The following NDUFA5 variants were observed in gnomAD, a reference collection of about 807,000 sequenced individuals.
NDUFA5 encodes NADH dehydrogenase [ubiquinone] 1 alpha subcomplex subunit 5.
NDUFA5 carries 11 observed loss-of-function variants against 19.8 expected under a neutral mutation model. That is an observed-to-expected ratio of 0.56 (90% confidence interval 0.35 to 0.92). NDUFA5 has a LOEUF of 0.92. NDUFA5 is among the 40% of genes least tolerant of loss of function. The pLI is 0.01. For missense variants in NDUFA5, 109 were observed against 134.2 expected (o/e 0.81, Z 0.93); for synonymous variants, 47 against 46.8 (o/e 1.00, Z -0.01).
the NDUFA5 span, among the ~76,000 whole-genome samples, chr7:123,567,561 G>T: frequency 6.6e-6 from 1 of 152,306 alleles, no homozygotes; most frequent in Admixed American, 6.5e-5. Context: ...TCCTACCAAA[G>T]TTAGGTGGTT....
At chr7:123,560,470 A>C (rs1798674584), upstream of NDUFA5, among the ~76,000 whole-genome samples, 1 of 152,206 alleles carries the variant, frequency 6.6e-6, no homozygotes, top group Non-Finnish European at 1.5e-5. Flanking sequence ...AAAACAAATA[A>C]CTTCAGCAAA....
chr7:123,596,688 C>T, the NDUFA5 span, among the ~76,000 whole-genome samples: 26 of 152,110 alleles, frequency 1.7e-4, no homozygotes, highest in South Asian at 5.4e-3. Context: ...GCTAAGTTTT[C>T]TTCGTTAAAT....
At chr7:123,550,612 C>T in intron 2 of NDUFA5, 26 bp from the exon 3 acceptor site, 1 of 1,397,154 alleles carries the variant, frequency 7.2e-7, no homozygotes, top group Non-Finnish European at 1.0e-6. Flanking sequence ...ATACAAATTT[C>T]CATAGGTTAA....
chr7:123,560,075 G>C (rs1014629878), upstream of NDUFA5, among the ~76,000 whole-genome samples: 3 of 152,010 alleles, frequency 2.0e-5, no homozygotes, highest in Non-Finnish European at 2.9e-5. Flanking sequence ...TTGAATACAG[G>C]ACAAAAACTA....
upstream of NDUFA5, among the ~76,000 whole-genome samples, chr7:123,559,190 A>C (rs1798652725): frequency 6.6e-6 from 1 of 152,072 alleles, no homozygotes; most frequent in African/African-American, 2.4e-5. Context: ...AACTATGCTT[A>C]AAAAAGATAA....
the NDUFA5 span, among the ~76,000 whole-genome samples, chr7:123,594,165 A>G: frequency 2.0e-5 from 3 of 151,934 alleles, no homozygotes; most frequent in Admixed American, 1.3e-4. Flanking sequence ...TGCTTATTCT[A>G]GTTTGCCATT....
the NDUFA5 span, among the ~76,000 whole-genome samples, chr7:123,578,748 C>T: frequency 6.6e-6 from 1 of 152,062 alleles, no homozygotes; most frequent in Non-Finnish European, 1.5e-5. Context: ...TGCTAAAGTC[C>T]ACCTTCCTCT....
intron 2 of NDUFA5, among the ~76,000 whole-genome samples, chr7:123,552,174 T>C (rs1402098587): frequency 1.0e-4 from 15 of 147,008 alleles, no homozygotes; most frequent in Admixed American, 3.4e-4. Context: ...ACCTTTTTTT[T>C]CAATTAAAAA....
the NDUFA5 span, among the ~76,000 whole-genome samples, chr7:123,597,917 C>CGTGTGTGTGTGTATGT: frequency 0.011 from 1,405 of 133,054 alleles, 16 homozygotes; most frequent in African/African-American, 0.023. Flanking sequence ...TTTCAAACTT[C>CGTGTGTGTGTGTATGT]GTGTGTGTGT....
intron 4 of NDUFA5, among the ~76,000 whole-genome samples, chr7:123,543,456 G>A (rs1335803552): frequency 6.6e-6 from 1 of 152,050 alleles, no homozygotes; most frequent in Admixed American, 6.6e-5. Context: ...GGCTACTGGG[G>A]ACTTGAAATG....
the NDUFA5 span, among the ~76,000 whole-genome samples, chr7:123,596,651 A>AG: frequency 6.6e-6 from 1 of 152,094 alleles, no homozygotes; most frequent in African/African-American, 2.4e-5. Flanking sequence ...ATAAAGAAAG[A>AG]GAAAAAGAAA....
the NDUFA5 span, among the ~76,000 whole-genome samples, chr7:123,577,773 T>C: frequency 4.6e-5 from 7 of 152,158 alleles, no homozygotes; most frequent in Non-Finnish European, 1.0e-4. Context: ...CTCATGTTTC[T>C]TCATCTTATC....
chr7:123,598,164 C>T, the NDUFA5 span, among the ~76,000 whole-genome samples: 2 of 151,984 alleles, frequency 1.3e-5, no homozygotes, highest in Non-Finnish European at 2.9e-5. Context: ...CAATGGTTTC[C>T]CTCATGTCCA....
chr7:123,589,493 C>T, the NDUFA5 span, among the ~76,000 whole-genome samples: 1 of 151,918 alleles, frequency 6.6e-6, no homozygotes, highest in African/African-American at 2.4e-5. Flanking sequence ...TCAACAGCCC[C>T]TGGTGTGTGA....
At chr7:123,567,469 T>A in the NDUFA5 span, among the ~76,000 whole-genome samples, 1 of 152,192 alleles carries the variant, frequency 6.6e-6, no homozygotes, top group Non-Finnish European at 1.5e-5. Context: ...AGAGCTCTTG[T>A]TTATCCAAAA....
At chr7:123,575,434 CAATCATACACAATTA>C in the NDUFA5 span, among the ~76,000 whole-genome samples, 2 of 151,986 alleles carry the variant, frequency 1.3e-5, no homozygotes, top group Non-Finnish European at 1.5e-5. Flanking sequence ...CCACATGAGG[CAATCATACACAATTA>C]AATCATACAC....
intron 3 of NDUFA5, chr7:123,550,034 A>C (rs1401945172): frequency 1.3e-5 from 2 of 151,234 alleles, no homozygotes; most frequent in African/African-American, 5.0e-5. Context: ...ATGAATCAGC[A>C]GTCTAGACTT....
At chr7:123,591,906 T>G in the NDUFA5 span, among the ~76,000 whole-genome samples, 1 of 152,330 alleles carries the variant, frequency 6.6e-6, no homozygotes, top group African/African-American at 2.4e-5. Context: ...CTGGTAGAAT[T>G]TGGCTGTGAA....
At chr7:123,558,074 C>T (rs1798631158), upstream of NDUFA5, 2 of 564,382 alleles carry the variant, frequency 3.5e-6, no homozygotes, top group South Asian at 2.2e-5. Context: ...TGACGGCTTG[C>T]CCAAAGATTG....
Sources: allele counts gnomAD v4.1 joint callset (sites outside exome capture counted in the v4.1 genomes callset), GRCh38; gene constraint gnomAD v4.1.1; transcripts MANE v1.5; gene names NCBI Gene and HGNC (gene_info 2026-07-23, HGNC 2026-07-21).